The following CBFA2T3 variants were observed in gnomAD, a reference collection of about 807,000 sequenced individuals.
The protein encoded by CBFA2T3 is transcriptional corepressor CBFA2T3.
CBFA2T3 carries 31 observed loss-of-function variants against 58.6 expected under a neutral mutation model. The observed-to-expected ratio is 0.53, with a 90% CI of 0.40 to 0.71. The LOEUF is 0.71. CBFA2T3 is among the 30% of genes least tolerant of loss of function. The pLI is 0.00. For missense variants in CBFA2T3, 1,076 were observed against 963.1 expected, an observed-to-expected ratio of 1.12 and a Z score of -1.55; for synonymous variants, 531 against 421.9, an observed-to-expected ratio of 1.26 and a Z score of -3.17.
chr16:88,904,517 C>T (rs1436208372), intron 1 of CBFA2T3, among the ~76,000 whole-genome samples: 1 of 152,236 alleles, frequency 6.6e-6, no homozygotes, highest in Non-Finnish European at 1.5e-5. Context: ...AACACGCTTG[C>T]CTCCTTTTAG....
intron 1 of CBFA2T3, among the ~76,000 whole-genome samples, chr16:88,956,563 A>G (rs760128996): frequency 6.6e-5 from 10 of 152,210 alleles, no homozygotes; most frequent in Non-Finnish European, 1.3e-4. Context: ...GGGGACATGG[A>G]GGCCCAGAAA....
intron 1 of CBFA2T3, among the ~76,000 whole-genome samples, chr16:88,943,819 A>T (rs1183141224): frequency 6.6e-6 from 1 of 152,132 alleles, no homozygotes; most frequent in African/African-American, 2.4e-5. Context: ...TTTCGAGGGG[A>T]CATTTAAGGA....
intron 1 of CBFA2T3, among the ~76,000 whole-genome samples, chr16:88,960,586 C>T (rs988035530): frequency 4.6e-5 from 7 of 152,222 alleles, no homozygotes; most frequent in African/African-American, 1.7e-4. Flanking sequence ...GTCCTCTGCC[C>T]CTTCTTCCTC....
chr16:88,944,897 C>A (rs1971864001), intron 1 of CBFA2T3, among the ~76,000 whole-genome samples: 1 of 152,184 alleles, frequency 6.6e-6, no homozygotes, highest in Non-Finnish European at 1.5e-5. Context: ...AACACCGGGA[C>A]CCAGAAAGCT....
chr16:88,893,376 C>T (rs1420123626), intron 3 of CBFA2T3, among the ~76,000 whole-genome samples: 1 of 151,898 alleles, frequency 6.6e-6, no homozygotes, highest in Non-Finnish European at 1.5e-5. Flanking sequence ...CAATGTCCCT[C>T]CTACAAGTGT....
At position 88,901,669 on chromosome 16, in the gene CBFA2T3, GAGAA is replaced by G. The variant is rs757480390; in HGVS notation, c.152-17_152-14del. 5.1e-4 allele frequency: 782 copies of G among 1,519,764 alleles called. 7 individuals carry two copies. Among genetic ancestry groups the G allele is most frequent in the Middle Eastern group, 1.0e-3 (6 of 5,810 alleles). The allele number at this position is 1,519,764 out of a possible 1,614,324, so 94.1% of individuals were successfully genotyped here. A position where few individuals can be genotyped will look rare whatever the true frequency, so the allele number is the denominator to read the frequency against. On this transcript the variant is annotated splice_polypyrimidine_tract_variant and intron_variant, in intron 1 of 11. Transcript: ENST00000268679. Reference sequence around the variant, plus strand: ...CTGTCCACTGGGGCTGCGACCAACGGAGAAAGAAAGAGTCGGTGAAGCAGGCTAA... The same window carrying G: ...CTGTCCACTGGGGCTGCGACCAACGGAGAAAGAGTCGGTGAAGCAGGCTAA...
At chr16:88,890,035 T>C (rs1969563376) in intron 5 of CBFA2T3, among the ~76,000 whole-genome samples, 1 of 132,216 alleles carries the variant, frequency 7.6e-6, no homozygotes, top group African/African-American at 3.0e-5. Context: ...CCGCGATTCC[T>C]CCTCCTCCAG....
At chr16:88,933,226 G>A (rs1205862173) in intron 1 of CBFA2T3, among the ~76,000 whole-genome samples, 2 of 152,198 alleles carry the variant, frequency 1.3e-5, no homozygotes, top group Non-Finnish European at 2.9e-5. Context: ...GCTGTTTTGC[G>A]CTCCCCCAGT....
Position 88,881,354 on chromosome 16 carries a change from CCTT to C in CBFA2T3, c.1336_1338del (p.Lys446del). On this transcript the variant is annotated inframe_deletion, in exon 9 of 12. Transcript: ENST00000268679. Reference sequence around the variant, plus strand: ...GGCCGGGCCGCGGCGGGAGCGGGGCCCTTCTTTGTGTCCTCGGCGTCGCTGTAG... The same window carrying C: ...GGCCGGGCCGCGGCGGGAGCGGGGCCCTTTGTGTCCTCGGCGTCGCTGTAG... 6.3e-7 allele frequency: 1 copy of C among 1,585,462 alleles called. No homozygotes were observed. The highest frequency in any genetic ancestry group is 8.6e-7 in the Non-Finnish European group (1 of 1,167,546).
intron 1 of CBFA2T3, chr16:88,939,442 A>T (rs887601503): frequency 1.3e-5 from 2 of 152,048 alleles, no homozygotes; most frequent in African/African-American, 4.8e-5. Context: ...CCTGAGCCCC[A>T]ATCTCGGGTG....
intron 1 of CBFA2T3, among the ~76,000 whole-genome samples, chr16:88,970,548 C>T (rs925472913): frequency 6.6e-6 from 1 of 152,206 alleles, no homozygotes; most frequent in Admixed American, 6.5e-5. Context: ...GTCAGCGATG[C>T]CCTTGAAGTG....
At chr16:88,878,410 G>A (rs911644754) in intron 11 of CBFA2T3, among the ~76,000 whole-genome samples, 11 of 152,234 alleles carry the variant, frequency 7.2e-5, no homozygotes, top group Non-Finnish European at 1.5e-4. Context: ...ATAGAGATCC[G>A]CCCTATCTCA....
At chr16:88,877,755 G>A (rs1326821960) in intron 11 of CBFA2T3, among the ~76,000 whole-genome samples, 1 of 152,082 alleles carries the variant, frequency 6.6e-6, no homozygotes, top group African/African-American at 2.4e-5. Flanking sequence ...TTCCCGTAGG[G>A]TGAGTTGTGC....
At chr16:88,928,665 C>T (rs1295026952) in intron 1 of CBFA2T3, among the ~76,000 whole-genome samples, 1 of 152,196 alleles carries the variant, frequency 6.6e-6, no homozygotes, top group Non-Finnish European at 1.5e-5. Context: ...CTGAGCGCCT[C>T]GTGTGTCAGG....
At chr16:88,931,627 C>T (rs3826082) in intron 1 of CBFA2T3, among the ~76,000 whole-genome samples, 33,023 of 124,296 alleles carry the variant, frequency 0.27, 5,816 homozygotes, top group Middle Eastern at 0.46. Flanking sequence ...GCCCCGTGGA[C>T]GAGCCAGAGG....
At chr16:88,881,246 C>T in intron 9 of CBFA2T3, 45 bp downstream of exon 9, 1 of 1,538,356 alleles carries the variant, frequency 6.5e-7, no homozygotes, top group Non-Finnish European at 8.9e-7. Flanking sequence ...TCCGCCCCAC[C>T]AGAGCACCCC....
At chr16:88,893,994 G>A (rs966775481) in intron 3 of CBFA2T3, among the ~76,000 whole-genome samples, 71 of 152,250 alleles carry the variant, frequency 4.7e-4, no homozygotes, top group Non-Finnish European at 6.0e-4. Context: ...GTCCTGGCCA[G>A]CTCCTTCTGT....
At position 88,976,792 on chromosome 16, in the gene CBFA2T3, G is replaced by T. The variant is rs1391821698; in HGVS notation, c.16C>A (p.Leu6Met). The T allele has an allele frequency of 6.4e-6, 10 of 1,554,438 alleles. No individual in the cohort carries two copies. Among genetic ancestry groups the T allele is most frequent in the Non-Finnish European group, 2.6e-6 (3 of 1,148,414 alleles). Reference protein sequence around the residue: MPASRLRDRAASSASG... With the variant: MPASRMRDRAASSASG... ...GCTGAACTGGCTGCCCTGTCCCTCAGTCTTGAAGCCGGCATGAGGAGGGCC... is the reference window on the plus strand; with the variant it reads ...GCTGAACTGGCTGCCCTGTCCCTCATTCTTGAAGCCGGCATGAGGAGGGCC... The change falls in exon 1 of 12, where the codon CTG (leucine) becomes ATG (methionine). Residue 6 changes from leucine (L) to methionine (M), a missense_variant. Coordinates refer to ENST00000268679, the MANE Select transcript of CBFA2T3 (RefSeq NM_005187.6).
chr16:88,892,012 C>A, intron 4 of CBFA2T3, 41 bp from the exon 5 acceptor site: 1 of 1,540,426 alleles, frequency 6.5e-7, no homozygotes, highest in Non-Finnish European at 9.0e-7. Flanking sequence ...CACCGCTCGG[C>A]ATGTGAGCCA....
Sources: allele counts gnomAD v4.1 joint callset (sites outside exome capture counted in the v4.1 genomes callset), GRCh38; gene constraint gnomAD v4.1.1; transcripts MANE v1.5; gene names NCBI Gene and HGNC (gene_info 2026-07-23, HGNC 2026-07-21).